The following FAT4 variants were observed in gnomAD, a reference collection of about 807,000 sequenced individuals.
The protein encoded by FAT4 is protocadherin Fat 4.
In FAT4, 84 loss-of-function variants were observed where a neutral mutation model predicts 303.9. The observed-to-expected ratio is 0.28, with a 90% CI of 0.23 to 0.33. FAT4 has a LOEUF of 0.33. Ranked by LOEUF, FAT4 falls within the 10% of genes least tolerant of loss-of-function variation. The pLI, the probability that FAT4 is intolerant of heterozygous loss-of-function variation, is 1.00. For missense variants in FAT4, 6,005 were observed against 6,146.8 expected, an observed-to-expected ratio of 0.98 and a Z score of 0.77; for synonymous variants, 2,307 against 2,298.8, an observed-to-expected ratio of 1.00 and a Z score of -0.10.
rs771880094 is a variant in FAT4, at chr4:125,408,696, C to T, written c.5822C>T (p.Pro1941Leu). Reference protein sequence around the residue: ...YFNILDVNDNPPIFSLNSYST... With the variant: ...YFNILDVNDNLPIFSLNSYST... ...AATATTCTAGATGTAAATGATAATCCACCTATTTTCAGCTTGAATTCATAC... is the reference window on the plus strand; with the variant it reads ...AATATTCTAGATGTAAATGATAATCTACCTATTTTCAGCTTGAATTCATAC... Residue 1941 changes from proline to leucine, a missense_variant, in exon 5 of 18, where the codon CCA becomes CTA. Coordinates refer to ENST00000394329, the MANE Select transcript of FAT4 (RefSeq NM_001291303.3). 1.2e-6 allele frequency: 2 copies of T among 1,610,402 alleles called. No individual in the cohort carries two copies. The highest frequency in any genetic ancestry group is 1.7e-5 in the Admixed American group (1 of 59,878).
At chr4:125,483,677 A>G (rs961269548) in intron 16 of FAT4, among the ~76,000 whole-genome samples, 5 of 152,192 alleles carry the variant, frequency 3.3e-5, no homozygotes, top group Admixed American at 3.3e-4. Flanking sequence ...AATGAATAAT[A>G]CAGACCAAAA....
rs1727061143 is a variant in FAT4 at position 125,477,271 on chromosome 4, T to C, written c.12416T>C (p.Phe4139Ser). The C allele has an allele frequency of 6.3e-6, 10 of 1,584,252 alleles. No homozygotes were observed. Among genetic ancestry groups the C allele is most frequent in the Non-Finnish European group, 8.6e-6 (10 of 1,163,970 alleles). The change falls in exon 14 of 18, where the codon TTT (phenylalanine) becomes TCT (serine). Residue 4139 changes from phenylalanine (F) to serine (S), a missense_variant. By Grantham distance (155) the Phe-to-Ser change is radical. Coordinates refer to ENST00000394329, the MANE Select transcript of FAT4 (RefSeq NM_001291303.3). Reference sequence around the variant, plus strand: ...GATTTTGTTGGGTGTATAATGGAGTTTGCAGTCAATGGAAGGCCTCTGGAA... The same window carrying C: ...GATTTTGTTGGGTGTATAATGGAGTCTGCAGTCAATGGAAGGCCTCTGGAA... ...SHDFVGCIMEFAVNGRPLEPS... is the reference protein window; with the variant it reads ...SHDFVGCIMESAVNGRPLEPS...
chr4:125,457,154 CA>C (rs67587045), intron 10 of FAT4, among the ~76,000 whole-genome samples: 25,655 of 134,368 alleles, frequency 0.19, 3,403 homozygotes, highest in African/African-American at 0.44. Flanking sequence ...CACACACACA[CA>C]CCACTGAGTA....
intron 2 of FAT4, among the ~76,000 whole-genome samples, chr4:125,381,527 C>G: frequency 6.6e-6 from 1 of 152,118 alleles, no homozygotes; most frequent in East Asian, 1.9e-4. Flanking sequence ...AATGTATATA[C>G]CTTAATTTAA....
chr4:125,321,291 C>T lies in FAT4; in HGVS notation c.4880C>T (p.Pro1627Leu), dbSNP rs1560757564. Residue 1627 changes from proline to leucine, a missense_variant, in exon 2 of 18, where the codon CCT becomes CTT. Transcript: ENST00000394329. The part of the protein sequence containing the change: ...LTIILQGLDG[P>L]VFTQPKYITI... ...ATCATTCTTCAGGGCCTTGATGGAC[C>T]TGTTTTTACTCAACCCAAATATATA... 1.1e-5 allele frequency: 17 copies of T among 1,613,954 alleles called. No individual in the cohort carries two copies. The highest frequency in any genetic ancestry group is 1.4e-5 in the Non-Finnish European group (17 of 1,179,950).
chr4:125,405,366 T>C (rs1014214075), intron 3 of FAT4, among the ~76,000 whole-genome samples: 2 of 152,106 alleles, frequency 1.3e-5, no homozygotes, highest in African/African-American at 4.8e-5. Flanking sequence ...GTACAAGGGT[T>C]CCAATTTCCC....
chr4:125,447,723 G>A (rs13108706), intron 9 of FAT4, among the ~76,000 whole-genome samples: 53,312 of 151,958 alleles, frequency 0.35, 10,105 homozygotes, highest in Non-Finnish European at 0.43. Context: ...CCTTATGGCA[G>A]CTTTTCTGCA....
intron 2 of FAT4, among the ~76,000 whole-genome samples, chr4:125,331,233 A>C (rs1478620880): frequency 6.6e-6 from 1 of 152,106 alleles, no homozygotes; most frequent in Non-Finnish European, 1.5e-5. Context: ...TGCTATATGC[A>C]CAGCACCTAC....
Position 125,452,651 on chromosome 4 carries a change from A to C in FAT4, c.11641A>C (p.Asn3881His). The C allele has an allele frequency of 6.2e-7, 1 of 1,614,082 alleles. No homozygotes were observed. The highest frequency in any genetic ancestry group is 8.5e-7 in the Non-Finnish European group (1 of 1,180,022). Residue 3881 changes from asparagine (N) to histidine (H), a missense_variant, in exon 10 of 18, where the codon AAT becomes CAT. By Grantham distance (68) the Asn-to-His change is moderately conservative. Coordinates refer to ENST00000394329, the MANE Select transcript of FAT4 (RefSeq NM_001291303.3). ...TTGCCACAGTGGTGGAACCTGTCAC[A>C]ATTTAGTGGGAGGATTTTCATGCAG... ...SPCHSGGTCH[N>H]LVGGFSCSCP...
rs1327226148 is a variant in FAT4 at position 125,320,892 on chromosome 4, T to C, written c.4481T>C (p.Leu1494Ser). The change falls in exon 2 of 18, where the codon TTG becomes TCG. Residue 1494 changes from leucine (L) to serine (S), a missense_variant. Leu to Ser is a moderately radical substitution (Grantham distance 145, BLOSUM62 -2). Transcript: ENST00000394329. ...IDREFANLFE[L>S]TVKANDQAVP... is the part of the protein sequence containing the mutation. ...CGGGAATTTGCTAATCTCTTTGAGT[T>C]GACTGTAAAAGCCAATGATCAAGCT... The C allele has an allele frequency of 6.2e-7, 1 of 1,614,194 alleles. No individual in the cohort carries two copies. The highest frequency in any genetic ancestry group is 8.5e-7 in the Non-Finnish European group (1 of 1,180,006).
chr4:125,470,529 T>C (rs1269970452), intron 12 of FAT4, among the ~76,000 whole-genome samples: 1 of 152,240 alleles, frequency 6.6e-6, no homozygotes, highest in Non-Finnish European at 1.5e-5. Flanking sequence ...GATAACTTGC[T>C]GCAGCTTCTA....
intron 8 of FAT4, among the ~76,000 whole-genome samples, chr4:125,442,964 G>T (rs1187682728): frequency 2.0e-5 from 3 of 151,840 alleles, no homozygotes; most frequent in African/African-American, 7.2e-5. Context: ...AGTAAAATAT[G>T]ACCTCCACTT....
At chr4:125,402,797 A>G (rs545331017) in intron 3 of FAT4, among the ~76,000 whole-genome samples, 1 of 152,128 alleles carries the variant, frequency 6.6e-6, no homozygotes, top group Non-Finnish European at 1.5e-5. Flanking sequence ...CTTCTTCCTA[A>G]TATTCTCATT....
intron 2 of FAT4, among the ~76,000 whole-genome samples, chr4:125,395,923 G>C (rs1734151732): frequency 6.6e-6 from 1 of 152,120 alleles, no homozygotes; most frequent in African/African-American, 2.4e-5. Flanking sequence ...CAGACTTCTA[G>C]AGCACTATGT....
chr4:125,433,049 G>C (rs1479777899), intron 7 of FAT4, among the ~76,000 whole-genome samples: 1 of 152,044 alleles, frequency 6.6e-6, no homozygotes, highest in African/African-American at 2.4e-5. Flanking sequence ...AAAGCTCATT[G>C]GTACTAGGCC....
chr4:125,356,549 GTTTT>G (rs57855830), intron 2 of FAT4, among the ~76,000 whole-genome samples: 52 of 131,434 alleles, frequency 4.0e-4, no homozygotes, highest in Admixed American at 5.3e-4. Flanking sequence ...TTTGTTTTTT[GTTTT>G]TTTTTTTTTT....
At chr4:125,363,507 A>G (rs369826580) in intron 2 of FAT4, among the ~76,000 whole-genome samples, 1 of 150,918 alleles carries the variant, frequency 6.6e-6, no homozygotes, top group Admixed American at 6.6e-5. Flanking sequence ...TTATATATAT[A>G]TTTTTTTGAG....
Position 125,452,630 on chromosome 4 carries a change from C to T in FAT4, c.11620C>T (p.His3874Tyr), listed in dbSNP as rs1380883966. 6.2e-7 allele frequency: 1 copy of T among 1,614,132 alleles called. No homozygotes were observed. The highest frequency in any genetic ancestry group is 8.5e-7 in the Non-Finnish European group (1 of 1,180,032). The change falls in exon 10 of 18, where the codon CAC becomes TAC. Residue 3874 changes from histidine (H) to tyrosine (Y), a missense_variant. Physicochemically the swap from His to Tyr is moderately conservative, Grantham distance 83. Coordinates refer to ENST00000394329, the MANE Select transcript of FAT4 (RefSeq NM_001291303.3). ...AGATGAATGTCTTCCATCACCTTGC[C>T]ACAGTGGTGGAACCTGTCACAATTT... is the stretch of plus-strand genomic sequence containing the variant. ...DIDECLPSPC[H>Y]SGGTCHNLVG...
chr4:125,421,327 T>C (rs1724880955), intron 7 of FAT4, among the ~76,000 whole-genome samples: 1 of 152,182 alleles, frequency 6.6e-6, no homozygotes, highest in African/African-American at 2.4e-5. Context: ...CACGTGGCAA[T>C]TGGTTTCACA....
Sources: allele counts gnomAD v4.1 joint callset (sites outside exome capture counted in the v4.1 genomes callset), GRCh38; gene constraint gnomAD v4.1.1; transcripts MANE v1.5; gene names NCBI Gene and HGNC (gene_info 2026-07-23, HGNC 2026-07-21).